The following OLFM1 variants were observed in gnomAD, a reference collection of about 807,000 sequenced individuals.
The protein encoded by OLFM1 is noelin.
OLFM1 carries 9 observed loss-of-function variants against 49.7 expected under a neutral mutation model. That is an observed-to-expected ratio of 0.18 (90% CI 0.11 to 0.32). The LOEUF is 0.32. Among genes scored for constraint, OLFM1 ranks in the 10% least tolerant of loss-of-function variants. OLFM1 has a pLI of 1.00. For missense variants in OLFM1, 369 were observed against 661.8 expected (o/e 0.56, Z 4.85); for synonymous variants, 240 against 271.8 (o/e 0.88, Z 1.15).
chr9:135,086,169 C>G (rs1039515271), upstream of OLFM1, among the ~76,000 whole-genome samples: 1 of 152,228 alleles, frequency 6.6e-6, no homozygotes, highest in African/African-American at 2.4e-5. Context: ...GCCAGCCCAA[C>G]CGGACTTGTG....
At chr9:135,085,451 A>C (rs916923997), upstream of OLFM1, among the ~76,000 whole-genome samples, 13 of 152,234 alleles carry the variant, frequency 8.5e-5, no homozygotes, top group African/African-American at 3.1e-4. Flanking sequence ...GACAGGTCTT[A>C]TCATCTTTCT....
chr9:135,092,534 C>T (rs1830730266), intron 2 of OLFM1, among the ~76,000 whole-genome samples: 1 of 152,180 alleles, frequency 6.6e-6, no homozygotes, highest in Non-Finnish European at 1.5e-5. Context: ...CTAACTGAGC[C>T]TTTAATTATT....
chr9:135,097,737 T>A, intron 3 of OLFM1: 1 of 1,494,086 alleles, frequency 6.7e-7, no homozygotes, highest in Non-Finnish European at 9.3e-7. Flanking sequence ...TCAGGCAGGC[T>A]AGTGAGCTAG....
At position 135,120,509 on chromosome 9, in the gene OLFM1, A is replaced by C; in HGVS notation, c.*331A>C. ...GCCAGTTCTCACCGGGGAAAAACCC[A>C]CTGTTAGGATGGCATGAACATTTCC... On this transcript the variant is annotated 3_prime_UTR_variant, in exon 6 of 6. Coordinates refer to ENST00000371793, the MANE Select transcript of OLFM1 (RefSeq NM_001282611.2). 3.1e-6 allele frequency: 1 copy of C among 324,228 alleles called. No individual in the cohort carries two copies. The highest frequency in any genetic ancestry group is 6.8e-5 in the East Asian group (1 of 14,668). 20.1% of individuals were successfully genotyped at this position (324,228 alleles called of 1,614,324 possible).
rs1278882629 is a variant in OLFM1 at position 135,117,984 on chromosome 9, G to A, written c.784-1520G>A. On this transcript the variant is annotated intron_variant, in intron 5 of 5. Transcript: ENST00000371793. This position sits in a 1 kb window ranked among gnomAD's most constrained non-coding sequence, Gnocchi z 5.5. ...TGTGTCTCCTTTTGAGGAGTGTGCT[G>A]GGTTTGGAGGTAGGACGTGGCACCC... Among the ~76,000 whole-genome samples, 1 of 152,228 alleles carries A rather than the reference G, an allele frequency of 6.6e-6. No individual in the cohort carries two copies. The highest frequency in any genetic ancestry group is 1.5e-5 in the Non-Finnish European group (1 of 68,032).
In OLFM1 at chr9:135,106,853, C is replaced by G; in HGVS notation, c.781C>G (p.Arg261Gly). The change falls in exon 5 of 6, where the codon CGG becomes GGG. Residue 261 changes from arginine (R) to glycine (G), a missense_variant and splice_region_variant. By Grantham distance (125) the Arg-to-Gly change is moderately radical. Around this residue, in one of 3 missense-constraint regions of OLFM1, gnomAD observed 294 missense variants for 567.5 expected, o/e 0.52. Coordinates refer to ENST00000371793, the MANE Select transcript of OLFM1 (RefSeq NM_001282611.2). ...CCCTCTCGCCCCTGAAGGCGATAAC[C>G]GGGTGAGTGTCCCCTTATGTCATAG... Reference protein sequence around the residue: ...TDPLAPEGDNRVWYMDGYHNN... With the variant: ...TDPLAPEGDNGVWYMDGYHNN... 1 of 1,606,046 alleles carries G rather than the reference C, an allele frequency of 6.2e-7. No individual in the cohort carries two copies. The highest frequency in any genetic ancestry group is 8.5e-7 in the Non-Finnish European group (1 of 1,176,380).
At position 135,095,861 on chromosome 9, in the gene OLFM1, C is replaced by T. The variant is rs369314379; in HGVS notation, c.301-3C>T. The T allele has an allele frequency of 1.1e-4, 182 of 1,612,280 alleles. No homozygotes were observed. The highest frequency in any genetic ancestry group is 1.4e-4 in the Non-Finnish European group (170 of 1,179,082). On this transcript the variant is annotated splice_region_variant and splice_polypyrimidine_tract_variant and intron_variant, in intron 2 of 5. Transcript: ENST00000371793. ...TTTGCTGAACCTGTTGCCCTTTTGA[C>T]AGGTGCAGAACATGTCTCAATCCAT...
At chr9:135,105,105 G>A (rs559914977) in intron 4 of OLFM1, among the ~76,000 whole-genome samples, 2 of 152,290 alleles carry the variant, frequency 1.3e-5, no homozygotes, top group East Asian at 1.9e-4. Context: ...CCTCTCACCC[G>A]GCCCCACTGC....
In OLFM1 at chr9:135,077,170, G is replaced by GCACACA. The variant is rs1187124582; in HGVS notation, c.96+1371_96+1376dup. 7 of 1,536,792 alleles carry GCACACA rather than the reference G, an allele frequency of 4.6e-6. No individual in the cohort carries two copies. The East Asian group carries it at 1.2e-4, about 27-fold the overall frequency. On this transcript the variant is annotated intron_variant, in intron 1 of 5. Coordinates refer to the OLFM1 transcript ENST00000252854. ...CATGTGCACACACACACACACACAT[G>GCACACA]CACACACAGGGGAGCAGATACCTGC...
Position 135,095,977 on chromosome 9 carries a change from G to C in OLFM1, c.414G>C (p.Gln138His). 1 of 1,532,784 alleles carries C rather than the reference G, an allele frequency of 6.5e-7. No individual in the cohort carries two copies. Among genetic ancestry groups the C allele is most frequent in the Non-Finnish European group, 8.8e-7 (1 of 1,132,342 alleles). The allele number at this position is 1,532,784 out of a possible 1,614,324, so 94.9% of individuals were successfully genotyped here. A position where few individuals can be genotyped will look rare whatever the true frequency, so the allele number is the denominator to read the frequency against. Reference protein sequence around the residue: ...QMKGLESKFKQVEESHKQHLA... With the variant: ...QMKGLESKFKHVEESHKQHLA... ...AAGGACTGGAGTCCAAGTTCAAACA[G>C]GTGGAGGAGAGTCATAAGCAACACC... is the stretch of plus-strand genomic sequence containing the variant. The change falls in exon 3 of 6, where the codon CAG becomes CAC. Residue 138 changes from glutamine to histidine, a missense_variant. By Grantham distance (24) the Gln-to-His change is conservative (BLOSUM62 0). This residue lies in a region of OLFM1 where 294 missense variants were observed against 567.5 expected (regional missense o/e 0.52). Transcript: ENST00000371793.
chr9:135,076,154 G>T, intron 1 of OLFM1: 1 of 1,550,010 alleles, frequency 6.5e-7, no homozygotes, highest in Non-Finnish European at 8.7e-7. Flanking sequence ...AGTGAGAGCC[G>T]GATAGCCAAG....
chr9:135,083,343 T>C (rs1200647391), upstream of OLFM1, among the ~76,000 whole-genome samples: 2 of 152,180 alleles, frequency 1.3e-5, no homozygotes, highest in African/African-American at 4.8e-5. Context: ...ACGATATCCA[T>C]GAAAGAGGCG....
intron 4 of OLFM1, among the ~76,000 whole-genome samples, chr9:135,100,282 C>T (rs1830853012): frequency 6.6e-6 from 1 of 152,196 alleles, no homozygotes; most frequent in African/African-American, 2.4e-5. Context: ...GGGCACCACC[C>T]CTCCCGGATG....
intron 1 of OLFM1, chr9:135,076,216 AC>A: frequency 6.5e-7 from 1 of 1,550,264 alleles, no homozygotes; most frequent in South Asian, 1.2e-5. Context: ...CCCAACACAC[AC>A]CCCTGAGTGG....
chr9:135,118,739 CTGGAGTGCTCACTGGGTCTT>C (rs1831136711), intron 5 of OLFM1, among the ~76,000 whole-genome samples: 1 of 105,172 alleles, frequency 9.5e-6, no homozygotes, highest in South Asian at 3.3e-4. Context: ...CACTGGGTCT[CTGGAGTGCTCACTGGGTCTT>C]TGGAGTGCTC....
intron 4 of OLFM1, among the ~76,000 whole-genome samples, chr9:135,099,004 G>A (rs1830835985): frequency 6.6e-6 from 1 of 152,250 alleles, no homozygotes; most frequent in Non-Finnish European, 1.5e-5. Context: ...CAGCCTGGAA[G>A]GGGAGGAGCC....
In OLFM1 at chr9:135,075,608, C is replaced by A. The variant is rs1189992759; in HGVS notation, c.-99C>A. On this transcript the variant is annotated 5_prime_UTR_variant, in exon 1 of 6. Transcript: ENST00000252854. Reference sequence around the variant, plus strand: ...GGTGCTGAATCCAGGCGTGGGGACACGAGCCAGGCGCCGCCGCCGGAGCCA... The same window carrying A: ...GGTGCTGAATCCAGGCGTGGGGACAAGAGCCAGGCGCCGCCGCCGGAGCCA... 3 of 766,070 alleles carry A rather than the reference C, an allele frequency of 3.9e-6. No individual in the cohort carries two copies. The East Asian group carries it at 1.0e-4, about 27-fold the overall frequency. The allele number at this position is 766,070 out of a possible 1,614,324, so 47.5% of individuals were successfully genotyped here. A position where few individuals can be genotyped will look rare whatever the true frequency, so the allele number is the denominator to read the frequency against.
Position 135,113,121 on chromosome 9 carries a change from C to A in OLFM1, c.783+6266C>A, listed in dbSNP as rs2119138820. Among the ~76,000 whole-genome samples the A allele has an allele frequency of 6.6e-6, 1 of 152,206 alleles. No homozygotes were observed. Among genetic ancestry groups the A allele is most frequent in the East Asian group, 1.9e-4 (1 of 5,146 alleles). On this transcript the variant is annotated intron_variant, in intron 5 of 5. Transcript: ENST00000371793. This position sits in a 1 kb window ranked among gnomAD's most constrained non-coding sequence, Gnocchi z 4.0. ...CAGCTGGCACAGCTGGCCATGTGAC[C>A]CTGAGAGAGGCCTTCCTTCTCTCTG... is the stretch of plus-strand genomic sequence containing the variant.
intron 1 of OLFM1, among the ~76,000 whole-genome samples, chr9:135,089,021 C>T (rs1758318504): frequency 6.6e-6 from 1 of 152,216 alleles, no homozygotes; most frequent in African/African-American, 2.4e-5. Context: ...AGACCACTGG[C>T]CCTTTAGGCT....
Sources: gnomAD v4.1 joint callset for allele counts (sites outside exome capture counted in the v4.1 genomes callset) on GRCh38, gnomAD v4.1.1 for gene constraint, gnomAD v4.1.1 regional missense constraint, Gnocchi (gnomAD v3.1) non-coding constraint, MANE v1.5 for transcripts, NCBI Gene and HGNC (gene_info 2026-07-23, HGNC 2026-07-21) for gene names.